PRKG1: variants seen among roughly 807,000 people sequenced by gnomAD.
PRKG1 encodes protein kinase cGMP-dependent 1.
In PRKG1, 35 loss-of-function variants were observed where a neutral mutation model predicts 88.1. That is an observed-to-expected ratio of 0.40 (90% CI 0.30 to 0.53). The LOEUF is 0.53. Among genes scored for constraint, PRKG1 ranks in the 20% least tolerant of loss-of-function variants. PRKG1 has a pLI of 0.59. For missense variants in PRKG1, 540 were observed against 839.8 expected (o/e 0.64, Z 4.41); for synonymous variants, 303 against 292.5 (o/e 1.04, Z -0.37).
At chr10:51,748,854 A>G in intron 3 of PRKG1, among the ~76,000 whole-genome samples, 1 of 152,252 alleles carries the variant, frequency 6.6e-6, no homozygotes, top group South Asian at 2.1e-4. Context: ...ATCATATGCT[A>G]CTATAATTTC....
intron 1 of PRKG1, among the ~76,000 whole-genome samples, chr10:51,082,718 T>A (rs1381416729): frequency 2.8e-5 from 4 of 143,646 alleles, no homozygotes; most frequent in Admixed American, 2.0e-4. Flanking sequence ...AAAGCATAGC[T>A]GGATTTTTTT....
chr10:52,151,381 T>G (rs1364789662), intron 8 of PRKG1, among the ~76,000 whole-genome samples: 1 of 152,206 alleles, frequency 6.6e-6, no homozygotes, highest in Non-Finnish European at 1.5e-5. Context: ...TACATAATTC[T>G]ATCACAAAAT....
intron 3 of PRKG1, among the ~76,000 whole-genome samples, chr10:51,573,194 C>T (rs1428145313): frequency 6.6e-6 from 1 of 151,770 alleles, no homozygotes; most frequent in African/African-American, 2.4e-5. Context: ...CAAAGAACTG[C>T]AAAGGCTGGT....
intron 4 of PRKG1, among the ~76,000 whole-genome samples, chr10:51,842,430 A>G (rs12247820): frequency 0.14 from 20,742 of 152,158 alleles, 1,905 homozygotes; most frequent in African/African-American, 0.26. Context: ...CTACACGATG[A>G]CTGAATGGTG....
intron 3 of PRKG1, among the ~76,000 whole-genome samples, chr10:51,718,760 G>A (rs972183401): frequency 2.0e-5 from 3 of 151,828 alleles, no homozygotes; most frequent in African/African-American, 4.8e-5. Flanking sequence ...TAGAAGGATG[G>A]TTACCAGAGG....
At chr10:51,392,746 T>G (rs1837445404) in intron 2 of PRKG1, among the ~76,000 whole-genome samples, 1 of 137,082 alleles carries the variant, frequency 7.3e-6, no homozygotes, top group African/African-American at 2.6e-5. Context: ...ACGGGGCGGC[T>G]GGCCGGGCGG....
chr10:51,781,295 T>C (rs931982399), intron 3 of PRKG1, among the ~76,000 whole-genome samples: 1 of 152,166 alleles, frequency 6.6e-6, no homozygotes, highest in Non-Finnish European at 1.5e-5. Context: ...GTATTTATAC[T>C]CATGATCCCA....
intron 2 of PRKG1, among the ~76,000 whole-genome samples, chr10:51,334,995 G>A (rs974334895): frequency 8.1e-6 from 1 of 123,118 alleles, no homozygotes; most frequent in African/African-American, 3.0e-5. Flanking sequence ...TTCCTGTCAG[G>A]TTTCTTTTTT....
intron 15 of PRKG1, 39 bp from the exon 16 acceptor site, chr10:52,288,891 GA>G: frequency 6.3e-7 from 1 of 1,593,404 alleles, no homozygotes; most frequent in South Asian, 1.1e-5. Flanking sequence ...ATCATAATGT[GA>G]AAAAATTAGA....
chr10:51,317,926 T>C (rs2132502761), intron 2 of PRKG1, among the ~76,000 whole-genome samples: 2 of 152,332 alleles, frequency 1.3e-5, no homozygotes, highest in South Asian at 4.1e-4. Context: ...TGCCATTCTT[T>C]TTCTTCTTTC....
chr10:51,235,422 A>C (rs962406680), intron 2 of PRKG1, among the ~76,000 whole-genome samples: 1 of 152,078 alleles, frequency 6.6e-6, no homozygotes, highest in African/African-American at 2.4e-5. Flanking sequence ...ACAAACAAAC[A>C]AAACTTCTTT....
At chr10:52,157,464 T>A (rs1235647588) in intron 8 of PRKG1, among the ~76,000 whole-genome samples, 1 of 151,092 alleles carries the variant, frequency 6.6e-6, no homozygotes, top group East Asian at 1.9e-4. Context: ...CATTTCTGTC[T>A]AGATGAAGTC....
intron 7 of PRKG1, among the ~76,000 whole-genome samples, chr10:52,117,940 TTTA>T (rs574567640): frequency 6.6e-5 from 10 of 152,200 alleles, no homozygotes; most frequent in South Asian, 2.1e-4. Flanking sequence ...AATATTTCCT[TTTA>T]TTATTGTACA....
At chr10:51,737,539 G>A (rs1837310545) in intron 3 of PRKG1, among the ~76,000 whole-genome samples, 1 of 151,912 alleles carries the variant, frequency 6.6e-6, no homozygotes, top group African/African-American at 2.4e-5. Context: ...TGGTGTCGAA[G>A]GAATGACTGG....
At chr10:51,149,509 GA>G (rs1309631117) in intron 1 of PRKG1, among the ~76,000 whole-genome samples, 1 of 152,008 alleles carries the variant, frequency 6.6e-6, no homozygotes, top group East Asian at 1.9e-4. Flanking sequence ...AGTAAATGGG[GA>G]AATGGATTTT....
chr10:52,171,196 A>G (rs1378882230), intron 9 of PRKG1, among the ~76,000 whole-genome samples: 2 of 151,500 alleles, frequency 1.3e-5, no homozygotes, highest in African/African-American at 4.9e-5. Flanking sequence ...TATTCCCATA[A>G]TCTTATCAAC....
At chr10:52,151,017 T>C (rs1589652158) in intron 8 of PRKG1, among the ~76,000 whole-genome samples, 1 of 15,424 alleles carries the variant, frequency 6.5e-5, no homozygotes, top group Non-Finnish European at 2.4e-4. Context: ...TTTGATAGGA[T>C]TTTTTTGCCA....
At chr10:51,590,651 C>G in intron 3 of PRKG1, among the ~76,000 whole-genome samples, 1 of 152,172 alleles carries the variant, frequency 6.6e-6, no homozygotes, top group Non-Finnish European at 1.5e-5. Context: ...TCTCCCCACT[C>G]TAATACTGCT....
At chr10:51,514,726 G>C (rs761842469) in intron 3 of PRKG1, among the ~76,000 whole-genome samples, 2 of 152,180 alleles carry the variant, frequency 1.3e-5, no homozygotes, top group African/African-American at 2.4e-5. Flanking sequence ...GATGAATCTG[G>C]ACTGTTTCAG....
Sources: gnomAD v4.1 joint callset for allele counts (sites outside exome capture counted in the v4.1 genomes callset) on GRCh38, gnomAD v4.1.1 for gene constraint, MANE v1.5 for transcripts, NCBI Gene and HGNC (gene_info 2026-07-23, HGNC 2026-07-21) for gene names.